The following ICA1 variants were observed in gnomAD, a reference collection of about 807,000 sequenced individuals.
ICA1 encodes the protein islet cell autoantigen 1.
In ICA1, 40 loss-of-function variants were observed where a neutral mutation model predicts 71.0. That is an observed-to-expected ratio of 0.56 (90% confidence interval 0.44 to 0.73). The LOEUF (loss-of-function observed/expected upper bound fraction) is 0.73. Among genes scored for constraint, ICA1 ranks in the 30% least tolerant of loss-of-function variants. The probability of loss-of-function intolerance (pLI) is 0.00; values close to 1 mark genes in which losing one functional copy is unlikely to be tolerated. For synonymous variants in ICA1, 207 were observed against 209.5 expected, an observed-to-expected ratio of 0.99 and a Z score of 0.10; for missense variants, 578 against 576.5, an observed-to-expected ratio of 1.00 and a Z score of -0.03.
At chr7:8,156,983 G>C in intron 8 of ICA1, 133 bp downstream of exon 8, 2 of 1,574,764 alleles carry the variant, frequency 1.3e-6, no homozygotes, top group Admixed American at 1.9e-5. Context: ...AAAAGACTCT[G>C]CTGGGGGCAC....
At chr7:8,185,400 A>ACCCACCAAT (rs1783595185) in intron 6 of ICA1, among the ~76,000 whole-genome samples, 2 of 152,074 alleles carry the variant, frequency 1.3e-5, no homozygotes, top group African/African-American at 4.8e-5. Context: ...CCATCCACCC[A>ACCCACCAAT]CCCACCAATC....
intron 6 of ICA1, among the ~76,000 whole-genome samples, chr7:8,167,383 A>G (rs1399713879): frequency 2.6e-5 from 4 of 152,210 alleles, no homozygotes; most frequent in Non-Finnish European, 4.4e-5. Flanking sequence ...ACAGAAAAAC[A>G]AATACTGCAT....
At chr7:8,135,850 G>A (rs1263486823) in intron 12 of ICA1, among the ~76,000 whole-genome samples, 1 of 152,140 alleles carries the variant, frequency 6.6e-6, no homozygotes, top group Admixed American at 6.5e-5. Context: ...AGACTTAGGT[G>A]AGTTGAATTC....
chr7:8,245,145 G>C (rs965893407), intron 1 of ICA1, among the ~76,000 whole-genome samples: 1 of 152,090 alleles, frequency 6.6e-6, no homozygotes, highest in Non-Finnish European at 1.5e-5. Flanking sequence ...CAATACCAAC[G>C]ACTTGGAACC....
chr7:8,124,584 T>C (rs1410647372), intron 13 of ICA1, among the ~76,000 whole-genome samples: 1 of 152,146 alleles, frequency 6.6e-6, no homozygotes, highest in Admixed American at 6.5e-5. Flanking sequence ...CCATCCTTCA[T>C]TTGTAACAAA....
chr7:8,245,523 C>T (rs929469315), intron 1 of ICA1, among the ~76,000 whole-genome samples: 7 of 151,062 alleles, frequency 4.6e-5, no homozygotes, highest in African/African-American at 1.2e-4. Context: ...TGAGCCTGCA[C>T]GTTGTGCTCA....
chr7:8,176,343 T>C (rs950189545), intron 6 of ICA1, among the ~76,000 whole-genome samples: 1 of 152,344 alleles, frequency 6.6e-6, no homozygotes, highest in African/African-American at 2.4e-5. Context: ...ATCTTTTAAG[T>C]TTCCGCTTAA....
At chr7:8,216,188 C>T (rs777642132) in intron 6 of ICA1, among the ~76,000 whole-genome samples, 20 of 152,208 alleles carry the variant, frequency 1.3e-4, no homozygotes, top group Admixed American at 5.2e-4. Context: ...CAAATCAGTG[C>T]CTGGAATCTT....
intron 1 of ICA1, among the ~76,000 whole-genome samples, chr7:8,256,370 A>C (rs1012955828): frequency 6.6e-6 from 1 of 151,866 alleles, no homozygotes; most frequent in Non-Finnish European, 1.5e-5. Flanking sequence ...CTTCCCCCCA[A>C]ATCTTACTCT....
chr7:8,125,618 G>A (rs906676118), intron 13 of ICA1, among the ~76,000 whole-genome samples: 1 of 152,148 alleles, frequency 6.6e-6, no homozygotes, highest in Non-Finnish European at 1.5e-5. Flanking sequence ...TTATTATTAT[G>A]CTTATTATTC....
chr7:8,231,138 G>C (rs1800157549), intron 3 of ICA1, among the ~76,000 whole-genome samples: 1 of 152,162 alleles, frequency 6.6e-6, no homozygotes, highest in African/African-American at 2.4e-5. Context: ...TGACCTTTAG[G>C]CTGAAACCTG....
chr7:8,187,889 C>T (rs1784384826), intron 6 of ICA1, among the ~76,000 whole-genome samples: 1 of 152,198 alleles, frequency 6.6e-6, no homozygotes, highest in African/African-American at 2.4e-5. Context: ...GGACCACCAT[C>T]ATAAAATGTC....
At chr7:8,189,883 T>C (rs1562922742) in intron 6 of ICA1, among the ~76,000 whole-genome samples, 1 of 152,340 alleles carries the variant, frequency 6.6e-6, no homozygotes, top group South Asian at 2.1e-4. Context: ...AGTTGGGAAC[T>C]GTCTGTACTT....
intron 8 of ICA1, among the ~76,000 whole-genome samples, chr7:8,152,787 A>ACCTCCT (rs1380236582): frequency 5.0e-4 from 42 of 83,778 alleles, no homozygotes; most frequent in Non-Finnish European, 7.6e-4. Context: ...TATCACCATC[A>ACCTCCT]CCATCACCTC....
intron 6 of ICA1, among the ~76,000 whole-genome samples, chr7:8,160,710 G>A (rs115216215): frequency 0.019 from 2,939 of 152,306 alleles, 79 homozygotes; most frequent in African/African-American, 0.065. Flanking sequence ...TTGGTCTACA[G>A]ATCTGGGAAG....
chr7:8,255,631 T>C (rs1189507159), intron 1 of ICA1, among the ~76,000 whole-genome samples: 1 of 152,192 alleles, frequency 6.6e-6, no homozygotes. Flanking sequence ...TTCACCTGGA[T>C]TGTTCCACAG....
At chr7:8,169,634 C>A (rs1807514484) in intron 6 of ICA1, among the ~76,000 whole-genome samples, 1 of 151,878 alleles carries the variant, frequency 6.6e-6, no homozygotes, top group Non-Finnish European at 1.5e-5. Flanking sequence ...ATCTTATTTG[C>A]CACATATATT....
chr7:8,189,436 G>A (rs1357350246), intron 6 of ICA1, among the ~76,000 whole-genome samples: 2 of 152,188 alleles, frequency 1.3e-5, no homozygotes, highest in Non-Finnish European at 2.9e-5. Context: ...ACACACAGGC[G>A]GATTCTTTCG....
intron 6 of ICA1, among the ~76,000 whole-genome samples, chr7:8,170,759 A>G (rs890197565): frequency 6.6e-6 from 1 of 152,004 alleles, no homozygotes; most frequent in African/African-American, 2.4e-5. Context: ...ACATCTATGT[A>G]CACATGCTGT....
Sources: allele counts gnomAD v4.1 joint callset (sites outside exome capture counted in the v4.1 genomes callset), GRCh38; gene constraint gnomAD v4.1.1; transcripts MANE v1.5; gene names NCBI Gene and HGNC (gene_info 2026-07-23, HGNC 2026-07-21).